The following PAPPA2 variants were observed in gnomAD, a reference collection of about 807,000 sequenced individuals.
PAPPA2 encodes the protein pappalysin-2.
In PAPPA2, 86 loss-of-function variants were observed where a neutral mutation model predicts 176.4. The observed-to-expected ratio is 0.49, with a 90% confidence interval of 0.41 to 0.58. The LOEUF (loss-of-function observed/expected upper bound fraction) is 0.58, where lower values mean the gene tolerates loss of function less well. Among genes scored for constraint, PAPPA2 ranks in the 20% least tolerant of loss-of-function variants. The probability of loss-of-function intolerance (pLI) is 0.00; values close to 1 mark genes in which losing one functional copy is unlikely to be tolerated. For missense variants in PAPPA2, 2,073 were observed against 2,256.9 expected (o/e 0.92, Z 1.65); for synonymous variants, 809 against 852.2 (o/e 0.95, Z 0.88).
chr1:176,595,709 C>T (rs1165401784), intron 3 of PAPPA2, 114 bp downstream of exon 3: 2 of 1,014,384 alleles, frequency 2.0e-6, no homozygotes, highest in Non-Finnish European at 2.8e-6. Context: ...AGACATTAAT[C>T]CACCCCATCA....
intron 3 of PAPPA2, among the ~76,000 whole-genome samples, chr1:176,665,575 C>G (rs1658594888): frequency 6.6e-6 from 1 of 152,144 alleles, no homozygotes; most frequent in Non-Finnish European, 1.5e-5. Context: ...GCTTGTCTAT[C>G]CTGGATTTAC....
chr1:176,704,145 G>A (rs1571202446), intron 9 of PAPPA2, among the ~76,000 whole-genome samples: 1 of 149,972 alleles, frequency 6.7e-6, no homozygotes, highest in Middle Eastern at 3.8e-3. Flanking sequence ...GAAAGGGGTG[G>A]AGGGCTCTTT....
chr1:176,471,614 A>G (rs1011818317), intron 1 of PAPPA2, among the ~76,000 whole-genome samples: 1 of 152,210 alleles, frequency 6.6e-6, no homozygotes, highest in Non-Finnish European at 1.5e-5. Context: ...CCATGAAAGT[A>G]ATATACTGAC....
At chr1:176,692,419 G>T in intron 6 of PAPPA2, 101 bp downstream of exon 6, 1 of 1,205,112 alleles carries the variant, frequency 8.3e-7, no homozygotes, top group South Asian at 1.4e-5. Context: ...CAATTTGGAA[G>T]TATAAATGTG....
intron 2 of PAPPA2, among the ~76,000 whole-genome samples, chr1:176,566,909 C>T (rs115712707): frequency 3.9e-5 from 6 of 152,232 alleles, no homozygotes; most frequent in African/African-American, 1.2e-4. Flanking sequence ...CTTAGTTTGG[C>T]TCCTGAGCCT....
intron 3 of PAPPA2, among the ~76,000 whole-genome samples, chr1:176,614,430 T>C (rs954450528): frequency 5.3e-5 from 8 of 152,186 alleles, no homozygotes; most frequent in African/African-American, 1.9e-4. Flanking sequence ...TCACAGTTAT[T>C]ACATATGAAA....
chr1:176,549,064 T>G (rs1256434207), intron 1 of PAPPA2, among the ~76,000 whole-genome samples: 3 of 152,210 alleles, frequency 2.0e-5, no homozygotes, highest in Non-Finnish European at 4.4e-5. Context: ...CACCACATTT[T>G]AAAATTCTAA....
chr1:176,560,864 C>T (rs1651626181), intron 2 of PAPPA2, among the ~76,000 whole-genome samples: 1 of 152,216 alleles, frequency 6.6e-6, no homozygotes, highest in Non-Finnish European at 1.5e-5. Context: ...CCACCTGCAG[C>T]TCCAAGTTGC....
At chr1:176,702,530 T>C (rs2102822572) in intron 8 of PAPPA2, 77 bp from the exon 9 acceptor site, 4 of 1,577,408 alleles carry the variant, frequency 2.5e-6, no homozygotes, top group South Asian at 1.2e-5. Flanking sequence ...CTTCAACTTC[T>C]GTGAACCATC....
intron 8 of PAPPA2, among the ~76,000 whole-genome samples, chr1:176,702,379 C>T (rs929463591): frequency 9.8e-5 from 15 of 152,350 alleles, no homozygotes; most frequent in Non-Finnish European, 8.8e-5. Context: ...GCATTTACTG[C>T]GCATTTACTC....
Position 176,695,854 on chromosome 1 carries a change from C to T in PAPPA2, c.2741C>T (p.Ala914Val). Residue 914 changes from alanine to valine, a missense_variant, in exon 7 of 23, where the codon GCT becomes GTT. Transcript: ENST00000367662. ...DSSGYWTPEEAVGPPDVDQPC... is the reference protein window; with the variant it reads ...DSSGYWTPEEVVGPPDVDQPC... ...TCAGGTTATTGGACCCCAGAGGAGG[C>T]TGTGGGTAAAGTACCATGACATTTT... 2 of 1,613,854 alleles carry T rather than the reference C, an allele frequency of 1.2e-6. No individual in the cohort carries two copies. The highest frequency in any genetic ancestry group is 1.7e-6 in the Non-Finnish European group (2 of 1,179,966).
chr1:176,770,294 G>A (rs1161809259), intron 16 of PAPPA2, among the ~76,000 whole-genome samples: 1 of 152,156 alleles, frequency 6.6e-6, no homozygotes, highest in Non-Finnish European at 1.5e-5. Flanking sequence ...CTTTCTCCAA[G>A]AGATTCTTGC....
At chr1:176,500,904 G>A (rs1456700196) in intron 1 of PAPPA2, among the ~76,000 whole-genome samples, 1 of 151,964 alleles carries the variant, frequency 6.6e-6, no homozygotes, top group African/African-American at 2.4e-5. Flanking sequence ...TTTGCTAATA[G>A]CCTTAGCAAA....
At position 176,844,833 on chromosome 1, in the gene PAPPA2, C is replaced by T. The variant is rs1439280770; in HGVS notation, c.*2379C>T. ...GGAACATGGAGCCTGTGGTTCATGCCAGTGTGTGTCTTCATGCAGTCTCTC... is the reference window on the plus strand; with the variant it reads ...GGAACATGGAGCCTGTGGTTCATGCTAGTGTGTGTCTTCATGCAGTCTCTC... On this transcript the variant is annotated 3_prime_UTR_variant, in exon 23 of 23. Transcript: ENST00000367662. 1 of 152,134 alleles carries T rather than the reference C, an allele frequency of 6.6e-6. No individual in the cohort carries two copies. Among genetic ancestry groups the T allele is most frequent in the African/African-American group, 2.4e-5 (1 of 41,424 alleles). 9.4% of individuals were successfully genotyped at this position (152,134 alleles called of 1,614,324 possible).
chr1:176,618,105 G>A (rs1655373168), intron 3 of PAPPA2, among the ~76,000 whole-genome samples: 1 of 152,202 alleles, frequency 6.6e-6, no homozygotes, highest in East Asian at 1.9e-4. Flanking sequence ...GTTGCATCAT[G>A]AAAGACAATT....
chr1:176,588,418 A>G (rs1424512539), intron 2 of PAPPA2, among the ~76,000 whole-genome samples: 1 of 152,202 alleles, frequency 6.6e-6, no homozygotes, highest in Non-Finnish European at 1.5e-5. Flanking sequence ...CTCTTGCCTG[A>G]TTGCCCTAGC....
intron 1 of PAPPA2, among the ~76,000 whole-genome samples, chr1:176,482,312 A>G (rs1391304156): frequency 6.6e-6 from 1 of 152,224 alleles, no homozygotes; most frequent in African/African-American, 2.4e-5. Flanking sequence ...TGCTTTTATT[A>G]GAGGAGAGTT....
rs761912887 is a variant in PAPPA2 at position 176,670,970 on chromosome 1, G to C, written c.1992G>C (p.Arg664Ser). ...TTTTTTCATCTTGCATGCTCTCTAG[G>C]GCATACATGAGTGTGAAGGAGCTGA... ...KTCFDPDSPK[R>S]AYMSVKELKE... Residue 664 changes from arginine to serine, a missense_variant and splice_region_variant, in exon 4 of 23, where the codon AGG (arginine) becomes AGC (serine). By Grantham distance (110) the Arg-to-Ser change is moderately radical (BLOSUM62 -1). Transcript: ENST00000367662. 1 of 1,613,616 alleles carries C rather than the reference G, an allele frequency of 6.2e-7. No homozygotes were observed. Among genetic ancestry groups the C allele is most frequent in the Admixed American group, 1.7e-5 (1 of 59,974 alleles).
intron 4 of PAPPA2, 104 bp from the exon 5 acceptor site, chr1:176,690,033 T>C: frequency 9.1e-7 from 1 of 1,104,834 alleles, no homozygotes; most frequent in Non-Finnish European, 1.3e-6. Flanking sequence ...AGTGACTCCT[T>C]AGAGGCTGAA....
Sources: allele counts gnomAD v4.1 joint callset (sites outside exome capture counted in the v4.1 genomes callset), GRCh38; gene constraint gnomAD v4.1.1; transcripts MANE v1.5; gene names NCBI Gene and HGNC (gene_info 2026-07-23, HGNC 2026-07-21).